The following ELAVL2 variants were observed in gnomAD, a reference collection of about 807,000 sequenced individuals.
ELAVL2 encodes the protein ELAV like RNA binding protein 2.
In ELAVL2, 4 loss-of-function variants were observed where a neutral mutation model predicts 34.6. The ratio of observed to expected loss-of-function variants is 0.12; its 90% CI spans 0.06 to 0.26. ELAVL2 has a LOEUF of 0.26. Among genes scored for constraint, ELAVL2 ranks in the 10% least tolerant of loss-of-function variants. The pLI, the probability that ELAVL2 is intolerant of heterozygous loss-of-function variation, is 1.00. For synonymous variants in ELAVL2, 193 were observed against 154.8 expected, an observed-to-expected ratio of 1.25 and a Z score of -1.83; for missense variants, 432 against 442.8, an observed-to-expected ratio of 0.98 and a Z score of 0.22.
At chr9:23,755,657 A>AT (rs1204557420) in intron 2 of ELAVL2, among the ~76,000 whole-genome samples, 2 of 152,182 alleles carry the variant, frequency 1.3e-5, no homozygotes, top group Non-Finnish European at 2.9e-5. Flanking sequence ...ATAGATTCAA[A>AT]TGTACTGTAT....
At chr9:23,789,007 TG>T (rs1281435684) in intron 1 of ELAVL2, among the ~76,000 whole-genome samples, 1 of 152,192 alleles carries the variant, frequency 6.6e-6, no homozygotes, top group Non-Finnish European at 1.5e-5. Context: ...GAGGAACTAC[TG>T]CCATCCAAGC....
chr9:23,826,797 T>C (rs2065324937), upstream of ELAVL2, among the ~76,000 whole-genome samples: 1 of 152,228 alleles, frequency 6.6e-6, no homozygotes, highest in African/African-American at 2.4e-5. Flanking sequence ...GTGAAAGGGA[T>C]GAATGTACAT....
At chr9:23,764,983 C>T (rs747767120) in intron 1 of ELAVL2, 49 of 1,606,024 alleles carry the variant, frequency 3.1e-5, no homozygotes, top group Non-Finnish European at 3.7e-5. Context: ...AAGTAGCCTA[C>T]AGAATTTAAG....
chr9:23,815,462 T>C (rs1415892030), intron 1 of ELAVL2, among the ~76,000 whole-genome samples: 2 of 152,162 alleles, frequency 1.3e-5, no homozygotes, highest in Non-Finnish European at 2.9e-5. Flanking sequence ...CATATGATGG[T>C]GTATTATAAA....
At chr9:23,831,823 G>A in the ELAVL2 span, among the ~76,000 whole-genome samples, 71 of 152,130 alleles carry the variant, frequency 4.7e-4, no homozygotes, top group Non-Finnish European at 9.4e-4. Context: ...AATGTAGTGG[G>A]AGGGGGCAGT....
intron 2 of ELAVL2, among the ~76,000 whole-genome samples, chr9:23,760,195 G>C (rs766856220): frequency 1.5e-4 from 23 of 152,030 alleles, no homozygotes; most frequent in Non-Finnish European, 2.8e-4. Context: ...TGAGACGTGA[G>C]GATCTGTAAG....
intron 2 of ELAVL2, among the ~76,000 whole-genome samples, chr9:23,734,531 G>A (rs977788611): frequency 1.3e-4 from 20 of 152,174 alleles, no homozygotes; most frequent in African/African-American, 4.8e-4. Flanking sequence ...CCTGAACTGA[G>A]ACTTCAGGCA....
chr9:23,691,911 T>A lies in ELAVL2; in HGVS notation c.*646A>T, dbSNP rs890923044. Reference sequence around the variant, plus strand: ...TTTTTATAAAAATAGATGCTTTTTTTAAACCCACATCAAAGAGGCTCTTAT... The same window carrying A: ...TTTTTATAAAAATAGATGCTTTTTTAAAACCCACATCAAAGAGGCTCTTAT... On this transcript the variant is annotated 3_prime_UTR_variant, in exon 7 of 7. Transcript: ENST00000397312. The A allele has an allele frequency of 6.6e-6, 1 of 152,582 alleles. No individual in the cohort carries two copies. The highest frequency in any genetic ancestry group is 1.5e-5 in the Non-Finnish European group (1 of 68,032). 9.5% of individuals were successfully genotyped at this position (152,582 alleles called of 1,614,324 possible). A position where few individuals can be genotyped will look rare whatever the true frequency, so the allele number is the denominator to read the frequency against.
intron 1 of ELAVL2, 105 bp from the exon 2 acceptor site, chr9:23,762,354 T>C: frequency 6.9e-7 from 1 of 1,440,180 alleles, no homozygotes; most frequent in Non-Finnish European, 9.4e-7. Flanking sequence ...GTCGTTCTAA[T>C]GAAATTACAA....
At chr9:23,693,593 T>C in intron 5 of ELAVL2, 107 bp from the exon 6 acceptor site, 1 of 1,326,608 alleles carries the variant, frequency 7.5e-7, no homozygotes, top group South Asian at 1.2e-5. Flanking sequence ...TGTACACTGA[T>C]TATATGTGAA....
At chr9:23,758,304 A>G (rs947067200) in intron 2 of ELAVL2, among the ~76,000 whole-genome samples, 2 of 152,122 alleles carry the variant, frequency 1.3e-5, no homozygotes, top group East Asian at 3.9e-4. Flanking sequence ...CCTACTTTTC[A>G]AAGTACAACC....
At chr9:23,704,371 G>C (rs1433303387) in intron 4 of ELAVL2, among the ~76,000 whole-genome samples, 2 of 152,028 alleles carry the variant, frequency 1.3e-5, no homozygotes, top group Non-Finnish European at 2.9e-5. Context: ...GAACATTTTA[G>C]TCTTCCCATT....
intron 2 of ELAVL2, among the ~76,000 whole-genome samples, chr9:23,740,960 A>C (rs762353007): frequency 6.6e-6 from 1 of 152,186 alleles, no homozygotes; most frequent in Non-Finnish European, 1.5e-5. Context: ...AAAAGATGGG[A>C]TCAATACCAC....
chr9:23,721,467 T>C (rs1029874862), intron 3 of ELAVL2, among the ~76,000 whole-genome samples: 1 of 152,220 alleles, frequency 6.6e-6, no homozygotes, highest in Non-Finnish European at 1.5e-5. Flanking sequence ...TCCTTGCCCT[T>C]CCTGCAGCTC....
At chr9:23,745,378 GCC>G (rs1368900786) in intron 2 of ELAVL2, among the ~76,000 whole-genome samples, 1 of 152,032 alleles carries the variant, frequency 6.6e-6, no homozygotes, top group African/African-American at 2.4e-5. Flanking sequence ...TCATTCCCCT[GCC>G]CTACCCACCA....
At chr9:23,742,522 A>G (rs2049483967) in intron 2 of ELAVL2, among the ~76,000 whole-genome samples, 1 of 152,210 alleles carries the variant, frequency 6.6e-6, no homozygotes, top group African/African-American at 2.4e-5. Flanking sequence ...AATATTGGGT[A>G]GCATCACATG....
intron 2 of ELAVL2, among the ~76,000 whole-genome samples, chr9:23,739,269 CA>C (rs370786423): frequency 4.6e-5 from 7 of 152,204 alleles, no homozygotes; most frequent in African/African-American, 1.7e-4. Context: ...ACAATGAAAA[CA>C]AAAGGCGGTT....
At chr9:23,719,434 A>G (rs1016732534) in intron 3 of ELAVL2, among the ~76,000 whole-genome samples, 15 of 152,338 alleles carry the variant, frequency 9.8e-5, no homozygotes, top group African/African-American at 1.9e-4. Flanking sequence ...TAGACAATGC[A>G]TATTTTACAA....
At chr9:23,794,084 A>T (rs1045895830) in intron 1 of ELAVL2, among the ~76,000 whole-genome samples, 2 of 152,184 alleles carry the variant, frequency 1.3e-5, no homozygotes, top group African/African-American at 4.8e-5. Flanking sequence ...CATCATTGTG[A>T]TCTAAATCAA....
Sources: gnomAD v4.1 joint callset for allele counts (sites outside exome capture counted in the v4.1 genomes callset) on GRCh38, gnomAD v4.1.1 for gene constraint, MANE v1.5 for transcripts, NCBI Gene and HGNC (gene_info 2026-07-23, HGNC 2026-07-21) for gene names.